Variants in NF1 observed in about 807,000 individuals in gnomAD.
The protein encoded by NF1 is neurofibromin.
A neutral mutation model predicts 325.7 loss-of-function variants in NF1; 122 were observed. The ratio of observed to expected loss-of-function variants is 0.37; its 90% CI spans 0.32 to 0.44. The LOEUF (loss-of-function observed/expected upper bound fraction) is 0.44. Among genes scored for constraint, NF1 ranks in the 20% least tolerant of loss-of-function variants. NF1 has a pLI of 1.00. For missense variants in NF1, 2,140 were observed against 3,415.4 expected (o/e 0.63, Z 9.31); for synonymous variants, 1,091 against 1,186.0 (o/e 0.92, Z 1.65).
chr17:31,255,402 G>A (rs2067566395), intron 31 of NF1, among the ~76,000 whole-genome samples: 1 of 151,776 alleles, frequency 6.6e-6, no homozygotes, highest in South Asian at 2.1e-4. Flanking sequence ...TTACATTGAT[G>A]TCAATTAGTG....
intron 13 of NF1, among the ~76,000 whole-genome samples, chr17:31,216,390 T>C (rs1484087320): frequency 6.6e-6 from 1 of 152,214 alleles, no homozygotes; most frequent in Non-Finnish European, 1.5e-5. Context: ...TACATTAAAA[T>C]AGAAGATTCG....
At chr17:31,187,267 C>A (rs1162887682) in intron 8 of NF1, among the ~76,000 whole-genome samples, 1 of 152,128 alleles carries the variant, frequency 6.6e-6, no homozygotes, top group Non-Finnish European at 1.5e-5. Flanking sequence ...GGCGCGATCT[C>A]GGCTCACTGC....
rs1210119104 is a variant in NF1, at chr17:31,229,900, A to C, written c.2916A>C (p.Leu972=). The change falls in exon 22 of 58, where the codon CTA becomes CTC. Residue 972 remains leucine, a synonymous_variant. Transcript: ENST00000358273. ...EQTIAIMKNL[L]DNHTEGSSEH... is the part of the protein sequence containing the mutation. ...CCATAGCTATAATGAAGAACTTGCT[A>C]GATAATCATACTGAAGGCAGCTCTG... is the stretch of plus-strand genomic sequence containing the variant. The C allele has an allele frequency of 7.4e-6, 12 of 1,611,776 alleles. No individual in the cohort carries two copies. In the African/African-American group the frequency reaches 9.4e-5, roughly 13 times the overall value.
At chr17:31,130,165 G>T (rs1915244988) in intron 1 of NF1, among the ~76,000 whole-genome samples, 1 of 151,366 alleles carries the variant, frequency 6.6e-6, no homozygotes, top group Admixed American at 6.6e-5. Flanking sequence ...CATTACTGGA[G>T]GGGCCAGGGC....
intron 52 of NF1, 51 bp downstream of exon 52, chr17:31,356,633 C>T (rs2151581538): frequency 6.2e-7 from 1 of 1,605,308 alleles, no homozygotes; most frequent in East Asian, 2.2e-5. Context: ...TGGGAGAGTA[C>T]ATGAAAGTCA....
Position 31,225,236 on chromosome 17 carries a change from G to A in NF1, c.1987G>A (p.Gly663Arg), listed in dbSNP as rs140653372. The A allele has an allele frequency of 2.0e-5, 33 of 1,613,540 alleles. No individual in the cohort carries two copies. The highest frequency in any genetic ancestry group is 2.5e-5 in the Non-Finnish European group (30 of 1,179,706). ...TPGASLRKGKGNSSMDSAAGC... is the reference protein window; with the variant it reads ...TPGASLRKGKRNSSMDSAAGC... ...TGGAGCCTCTCTCCGGAAGGGAAAA[G>A]GGAACTCCTCTATGGTCAGCTTCTT... is the stretch of plus-strand genomic sequence containing the variant. The change falls in exon 17 of 58, where the codon GGG becomes AGG. Residue 663 changes from glycine (G) to arginine (R), a missense_variant. By Grantham distance (125) the Gly-to-Arg change is moderately radical (BLOSUM62 -2). Coordinates refer to ENST00000358273, the MANE Select transcript of NF1 (RefSeq NM_001042492.3).
chr17:31,103,286 A>T (rs1912528222), intron 1 of NF1, among the ~76,000 whole-genome samples: 1 of 152,066 alleles, frequency 6.6e-6, no homozygotes. Flanking sequence ...TTTCTCGCCT[A>T]GGCTGGAGTG....
rs567848411 is a variant in NF1, at chr17:31,313,722, A to G, written c.4836-12098A>G. ...CTCTATCTCAAAAAAAAAAAAAAAT[A>G]TGTGTGTGTGTGTGTGTGTGTGTGT... On this transcript the variant is annotated intron_variant, in intron 36 of 57. Coordinates refer to ENST00000358273, the MANE Select transcript of NF1 (RefSeq NM_001042492.3). Among the ~76,000 whole-genome samples, 490 of 139,036 alleles carry G rather than the reference A, an allele frequency of 3.5e-3. 3 individuals carry two copies. Among genetic ancestry groups the G allele is most frequent in the African/African-American group, 0.012 (433 of 36,316 alleles). 91.2% of individuals were successfully genotyped at this position (139,036 alleles called of 152,430 possible). A position where few individuals can be genotyped will look rare whatever the true frequency, so the allele number is the denominator to read the frequency against.
chr17:31,374,932 T>C lies in NF1; in HGVS notation c.*777T>C. The C allele has an allele frequency of 4.5e-6, 1 of 222,572 alleles. No homozygotes were observed. Among genetic ancestry groups the C allele is most frequent in the East Asian group, 6.5e-5 (1 of 15,332 alleles). The allele number at this position is 222,572 out of a possible 1,614,324, so 13.8% of individuals were successfully genotyped here. On this transcript the variant is annotated 3_prime_UTR_variant, in exon 58 of 58. Transcript: ENST00000358273. ...GTTTATTTTTTTCTCCAGTTGATTA[T>C]CTTTTAATTTTTAATTTTGCTAAAG...
At chr17:31,177,774 T>G (rs533260990) in intron 5 of NF1, among the ~76,000 whole-genome samples, 1 of 151,554 alleles carries the variant, frequency 6.6e-6, no homozygotes, top group African/African-American at 2.4e-5. Flanking sequence ...ATATCAGAGA[T>G]TGAAGATCAA....
intron 8 of NF1, among the ~76,000 whole-genome samples, chr17:31,197,913 TTGAG>T (rs1181420420): frequency 1.3e-5 from 2 of 152,238 alleles, no homozygotes; most frequent in Admixed American, 6.5e-5. Flanking sequence ...TCTTTCACTA[TTGAG>T]TATGTTGTTA....
At chr17:31,259,271 AT>A (rs1402879648) in intron 33 of NF1, 142 bp downstream of exon 33, 1 of 583,718 alleles carries the variant, frequency 1.7e-6, no homozygotes, top group Non-Finnish European at 3.2e-6. Flanking sequence ...AGCTTGTCTT[AT>A]TTTATTTTAC....
chr17:31,355,400 C>T (rs1308885852), intron 51 of NF1, among the ~76,000 whole-genome samples: 1 of 152,024 alleles, frequency 6.6e-6, no homozygotes, highest in Non-Finnish European at 1.5e-5. Flanking sequence ...AACGAAGAAG[C>T]CGGACTAGAT....
chr17:31,288,419 G>A (rs972343569), intron 36 of NF1, among the ~76,000 whole-genome samples: 7 of 151,700 alleles, frequency 4.6e-5, no homozygotes, highest in Non-Finnish European at 8.8e-5. Flanking sequence ...CTTCCCTTGA[G>A]CAATTTTCTA....
At position 31,267,799 on chromosome 17, in the gene NF1, G is replaced by T. The variant is rs17180952; in HGVS notation, c.4835+2460G>T. On this transcript the variant is annotated intron_variant, in intron 36 of 57. Coordinates refer to ENST00000358273, the MANE Select transcript of NF1 (RefSeq NM_001042492.3). ...AACCTCCTCTTCACACCGTATTTCT[G>T]TTTCTCAGTACCATCATCATCCCTT... Among the ~76,000 whole-genome samples the T allele has an allele frequency of 4.5e-3, 684 of 152,222 alleles. 4 individuals are homozygous for T. The highest frequency in any genetic ancestry group is 0.013 in the Admixed American group (202 of 15,290).
chr17:31,168,076 T>C (rs2065873637), intron 4 of NF1, among the ~76,000 whole-genome samples: 1 of 152,344 alleles, frequency 6.6e-6, no homozygotes, highest in Middle Eastern at 3.4e-3. Context: ...TCAAGTTTAC[T>C]TATTATAGTT....
At chr17:31,371,651 T>G (rs765924705) in intron 57 of NF1, among the ~76,000 whole-genome samples, 18 of 152,258 alleles carry the variant, frequency 1.2e-4, no homozygotes, top group Non-Finnish European at 1.8e-4. Context: ...TAGATTAGAT[T>G]AGAACATGAC....
At chr17:31,226,721 C>T (rs1272274305) in intron 18 of NF1, 37 bp downstream of exon 18, 1 of 1,611,862 alleles carries the variant, frequency 6.2e-7, no homozygotes, top group Non-Finnish European at 8.5e-7. Flanking sequence ...CTCAGTCTGC[C>T]TCAAAGCACA....
At chr17:31,307,118 G>T (rs1021588066) in intron 36 of NF1, among the ~76,000 whole-genome samples, 8 of 151,974 alleles carry the variant, frequency 5.3e-5, no homozygotes, top group Admixed American at 2.0e-4. Flanking sequence ...CGCTTCCCAG[G>T]TTCAACTGAT....
Sources: allele counts gnomAD v4.1 joint callset (sites outside exome capture counted in the v4.1 genomes callset), GRCh38; gene constraint gnomAD v4.1.1; transcripts MANE v1.5; gene names NCBI Gene and HGNC (gene_info 2026-07-23, HGNC 2026-07-21).